Variants in CDH2 observed in about 807,000 individuals in gnomAD.
CDH2 encodes cadherin 2.
In CDH2, 17 loss-of-function variants were observed where a neutral mutation model predicts 92.0. The ratio of observed to expected loss-of-function variants is 0.18; its 90% CI spans 0.13 to 0.28. The LOEUF (loss-of-function observed/expected upper bound fraction) is 0.28, where lower values mean the gene tolerates loss of function less well. Ranked by LOEUF, CDH2 falls within the 10% of genes least tolerant of loss-of-function variation. CDH2 has a pLI of 1.00. For missense variants in CDH2, 862 were observed against 1,133.1 expected (o/e 0.76, Z 3.44); for synonymous variants, 419 against 415.9 (o/e 1.01, Z -0.09).
intron 14 of CDH2, among the ~76,000 whole-genome samples, chr18:27,968,610 G>A (rs1031839346): frequency 3.3e-5 from 5 of 152,152 alleles, no homozygotes; most frequent in South Asian, 2.1e-4. Flanking sequence ...TAAAGTTCAC[G>A]GGCCTTTATC....
At chr18:28,037,640 A>C (rs2144099066) in intron 2 of CDH2, among the ~76,000 whole-genome samples, 1 of 152,306 alleles carries the variant, frequency 6.6e-6, no homozygotes. Flanking sequence ...GGGAAAGCAA[A>C]GCTAACCACT....
Position 28,043,890 on chromosome 18 carries a change from A to ATTTTTTTTTTTTTTTTTTTT in CDH2, c.173-30001_173-29982dup, listed in dbSNP as rs67532914. 5.5e-5 allele frequency among the ~76,000 whole-genome samples: 5 copies of ATTTTTTTTTTTTTTTTTTTT among 91,470 alleles called. 2 individuals carry two copies. The highest frequency in any genetic ancestry group is 1.1e-4 in the Non-Finnish European group (5 of 46,004). 60.0% of individuals were successfully genotyped at this position (91,470 alleles called of 152,430 possible). On this transcript the variant is annotated intron_variant, in intron 2 of 15. Coordinates refer to ENST00000269141, the MANE Select transcript of CDH2 (RefSeq NM_001792.5). The stretch of plus-strand genomic sequence containing the variant: ...AGTCTCATCTTTCTCAGAATCTCGG[A>ATTTTTTTTTTTTTTTTTTTT]TTTTTTTTTTTTTTTTTTTTTTTTT...
At chr18:27,988,204 GA>G (rs2143962890) in intron 11 of CDH2, among the ~76,000 whole-genome samples, 2 of 152,164 alleles carry the variant, frequency 1.3e-5, no homozygotes, top group South Asian at 4.1e-4. Flanking sequence ...GTGACTAGAA[GA>G]CATATAAAAA....
Position 28,007,168 on chromosome 18 carries a change from ATATATATATAT to A in CDH2, c.703-1186_703-1176del, listed in dbSNP as rs1567961287. Among the ~76,000 whole-genome samples, 6 of 130,106 alleles carry A rather than the reference ATATATATATAT, an allele frequency of 4.6e-5. 1 individual carries two copies. The highest frequency in any genetic ancestry group is 1.6e-4 in the African/African-American group (5 of 31,544). 85.4% of individuals were successfully genotyped at this position (130,106 alleles called of 152,430 possible). The stretch of plus-strand genomic sequence containing the variant: ...GAGTGAGACTCCATAAAAAAAAAAT[ATATATATATAT>A]ATATATATATATATACGAGTATATA... On this transcript the variant is annotated intron_variant, in intron 5 of 15. Transcript: ENST00000269141.
At chr18:28,043,796 T>G (rs2014010689) in intron 2 of CDH2, among the ~76,000 whole-genome samples, 1 of 150,676 alleles carries the variant, frequency 6.6e-6, no homozygotes, top group African/African-American at 2.4e-5. Context: ...GATGTTGTGT[T>G]ACAAGTGAAT....
intron 2 of CDH2, among the ~76,000 whole-genome samples, chr18:28,091,471 T>TG (rs1187490261): frequency 2.0e-5 from 3 of 151,998 alleles, no homozygotes; most frequent in Admixed American, 2.0e-4. Context: ...TGTAAAGTAG[T>TG]GGGAAAAAAA....
At chr18:27,995,413 T>C (rs929691042) in intron 7 of CDH2, among the ~76,000 whole-genome samples, 1 of 151,946 alleles carries the variant, frequency 6.6e-6, no homozygotes, top group African/African-American at 2.4e-5. Flanking sequence ...AATGCTTTCA[T>C]GGTTAGTGAG....
At chr18:27,959,164 T>C (rs573103851) in intron 15 of CDH2, among the ~76,000 whole-genome samples, 1 of 152,312 alleles carries the variant, frequency 6.6e-6, no homozygotes, top group African/African-American at 2.4e-5. Flanking sequence ...TGAATTTGTT[T>C]GAACTTTTCA....
At chr18:28,165,910 A>AAT (rs2016371407) in intron 1 of CDH2, among the ~76,000 whole-genome samples, 1 of 151,836 alleles carries the variant, frequency 6.6e-6, no homozygotes. Flanking sequence ...CAAATGTATT[A>AAT]TTGTGTGTAT....
intron 1 of CDH2, among the ~76,000 whole-genome samples, chr18:28,167,010 C>G (rs2016395337): frequency 6.6e-6 from 1 of 152,074 alleles, no homozygotes; most frequent in Non-Finnish European, 1.5e-5. Context: ...GTAGAAACCC[C>G]TCAATGTACC....
chr18:27,974,136 A>C (rs2143921553), intron 14 of CDH2, among the ~76,000 whole-genome samples: 1 of 152,274 alleles, frequency 6.6e-6, no homozygotes, highest in South Asian at 2.1e-4. Context: ...TCATTTAAGC[A>C]ATATAAAACT....
At chr18:28,027,676 T>C (rs981932160) in intron 2 of CDH2, among the ~76,000 whole-genome samples, 3 of 152,152 alleles carry the variant, frequency 2.0e-5, no homozygotes, top group African/African-American at 4.8e-5. Context: ...TATTGTGTTC[T>C]CCCTTGTATA....
intron 1 of CDH2, among the ~76,000 whole-genome samples, chr18:28,176,265 C>G (rs995754815): frequency 4.6e-5 from 7 of 152,142 alleles, no homozygotes; most frequent in African/African-American, 1.4e-4. Context: ...ACTTCTCGCC[C>G]GGGGGAGATA....
At chr18:27,965,571 G>C (rs1201846168) in intron 14 of CDH2, among the ~76,000 whole-genome samples, 1 of 152,112 alleles carries the variant, frequency 6.6e-6, no homozygotes, top group African/African-American at 2.4e-5. Context: ...TACAAAACTT[G>C]AGAAAAAACA....
At position 27,987,468 on chromosome 18, in the gene CDH2, T is replaced by C. The variant is rs1029802534; in HGVS notation, c.1741+1056A>G. Among the ~76,000 whole-genome samples the C allele has an allele frequency of 1.1e-4, 16 of 152,238 alleles. 1 individual carries two copies. The highest frequency in any genetic ancestry group is 1.0e-3 in the South Asian group (5 of 4,838). Reference sequence around the variant, plus strand: ...TAGAAAGGTTCACTGACATTATTCTTAAAGTATTGATATGTCTTATTTTAG... The same window carrying C: ...TAGAAAGGTTCACTGACATTATTCTCAAAGTATTGATATGTCTTATTTTAG... On this transcript the variant is annotated intron_variant, in intron 11 of 15. Coordinates refer to ENST00000269141, the MANE Select transcript of CDH2 (RefSeq NM_001792.5).
At chr18:28,042,206 T>C (rs1320299001) in intron 2 of CDH2, among the ~76,000 whole-genome samples, 2 of 152,182 alleles carry the variant, frequency 1.3e-5, no homozygotes, top group Non-Finnish European at 2.9e-5. Context: ...CTAGAACCAT[T>C]TATTTTGCTT....
At chr18:28,074,840 G>A (rs950079600) in intron 2 of CDH2, among the ~76,000 whole-genome samples, 21 of 151,722 alleles carry the variant, frequency 1.4e-4, no homozygotes, top group Non-Finnish European at 2.8e-4. Flanking sequence ...TTTCAGAATT[G>A]AGAAACTTGT....
Position 27,951,534 on chromosome 18 carries a change from T to G in CDH2, c.*619A>C, listed in dbSNP as rs1909447870. 1.3e-5 allele frequency: 2 copies of G among 152,582 alleles called. No individual in the cohort carries two copies. The highest frequency in any genetic ancestry group is 4.8e-5 in the African/African-American group (2 of 41,388). The allele number at this position is 152,582 out of a possible 1,614,324, so 9.5% of individuals were successfully genotyped here. The stretch of plus-strand genomic sequence containing the variant: ...GACCAAAATGTGTCTAACATTCTAG[T>G]TTATGAAAAAATTCAATTTTGCTAC... On this transcript the variant is annotated 3_prime_UTR_variant, in exon 16 of 16. Coordinates refer to ENST00000269141, the MANE Select transcript of CDH2 (RefSeq NM_001792.5).
intron 2 of CDH2, among the ~76,000 whole-genome samples, chr18:28,080,825 T>G (rs1458834030): frequency 6.6e-6 from 1 of 152,146 alleles, no homozygotes; most frequent in African/African-American, 2.4e-5. Context: ...GAAAAATATT[T>G]AACAAAATTG....
Sources: allele counts gnomAD v4.1 joint callset (sites outside exome capture counted in the v4.1 genomes callset), GRCh38; gene constraint gnomAD v4.1.1; transcripts MANE v1.5; gene names NCBI Gene and HGNC (gene_info 2026-07-23, HGNC 2026-07-21).